LATS2: variants seen among roughly 807,000 people sequenced by gnomAD.
LATS2 encodes the protein serine/threonine-protein kinase LATS2.
In LATS2, 24 loss-of-function variants were observed where a neutral mutation model predicts 76.0. The observed-to-expected ratio is 0.32, with a 90% CI of 0.23 to 0.44. LATS2 has a LOEUF of 0.44. LATS2 is among the 20% of genes least tolerant of loss of function. The pLI, the probability that LATS2 is intolerant of heterozygous loss-of-function variation, is 1.00. For synonymous variants in LATS2, 692 were observed against 635.4 expected, an observed-to-expected ratio of 1.09 and a Z score of -1.34; for missense variants, 1,286 against 1,481.2, an observed-to-expected ratio of 0.87 and a Z score of 2.16.
At chr13:21,018,213 G>A (rs1871886242) in intron 2 of LATS2, 1 of 152,170 alleles carries the variant, frequency 6.6e-6, no homozygotes, top group Non-Finnish European at 1.5e-5. Context: ...AATTCACTTA[G>A]AAAGTAAACA....
intron 2 of LATS2, among the ~76,000 whole-genome samples, chr13:20,997,931 T>A (rs1870830983): frequency 6.6e-6 from 1 of 152,218 alleles, no homozygotes; most frequent in South Asian, 2.1e-4. Flanking sequence ...AGGAAGCATT[T>A]TTCAAGCCTT....
intron 2 of LATS2, among the ~76,000 whole-genome samples, chr13:20,999,105 G>A (rs1870912046): frequency 6.6e-6 from 1 of 152,266 alleles, no homozygotes; most frequent in Non-Finnish European, 1.5e-5. Context: ...AGCACGTGCC[G>A]TGTGCGAGCC....
intron 2 of LATS2, among the ~76,000 whole-genome samples, chr13:21,004,400 C>T (rs1483651160): frequency 6.7e-6 from 1 of 148,872 alleles, no homozygotes; most frequent in Non-Finnish European, 1.5e-5. Context: ...CGCCATTGCA[C>T]TCTAGCCTGG....
At chr13:21,030,901 TC>T (rs1365777119) in intron 2 of LATS2, among the ~76,000 whole-genome samples, 1 of 151,954 alleles carries the variant, frequency 6.6e-6, no homozygotes, top group African/African-American at 2.4e-5. Flanking sequence ...TTAATACAGG[TC>T]CCCTGGTAAC....
intron 2 of LATS2, among the ~76,000 whole-genome samples, chr13:21,024,506 G>A (rs1872226037): frequency 6.6e-6 from 1 of 151,952 alleles, no homozygotes; most frequent in South Asian, 2.1e-4. Flanking sequence ...TTTCAGTGGG[G>A]TTCAGTGGCG....
At chr13:20,978,072 T>C (rs12584862) in intron 7 of LATS2, among the ~76,000 whole-genome samples, 18,172 of 151,906 alleles carry the variant, frequency 0.12, 2,021 homozygotes, top group East Asian at 0.51. Flanking sequence ...CCCGCCCCCA[T>C]GCCAGGCTAA....
At chr13:21,047,930 G>A (rs1011944302) in intron 1 of LATS2, among the ~76,000 whole-genome samples, 20 of 152,162 alleles carry the variant, frequency 1.3e-4, no homozygotes, top group African/African-American at 4.6e-4. Flanking sequence ...GAAGATAAGA[G>A]AGAGACTAAA....
At chr13:21,018,389 G>GC (rs34758723) in intron 2 of LATS2, among the ~76,000 whole-genome samples, 62,994 of 151,988 alleles carry the variant, frequency 0.41, 14,874 homozygotes, top group African/African-American at 0.63. Context: ...AGGAGACAAG[G>GC]GTTGACATGG....
intron 7 of LATS2, among the ~76,000 whole-genome samples, chr13:20,976,369 A>G (rs1249693744): frequency 6.6e-6 from 1 of 152,166 alleles, no homozygotes; most frequent in Non-Finnish European, 1.5e-5. Context: ...ATAGGGTGAA[A>G]TCTTCATGAA....
chr13:21,020,918 CTT>C (rs1437104735), intron 2 of LATS2, among the ~76,000 whole-genome samples: 1 of 152,230 alleles, frequency 6.6e-6, no homozygotes, highest in African/African-American at 2.4e-5. Flanking sequence ...TTAGCCTTCT[CTT>C]CTCTCCAAAT....
intron 2 of LATS2, among the ~76,000 whole-genome samples, chr13:21,010,154 C>T (rs973371348): frequency 3.9e-5 from 6 of 151,968 alleles, no homozygotes; most frequent in African/African-American, 1.5e-4. Flanking sequence ...GAGCCAAGAT[C>T]GCACCACTGC....
rs764960515 is a variant in LATS2, at chr13:20,988,248, C to G, written c.1532G>C (p.Arg511Pro). The G allele has an allele frequency of 1.0e-5, 16 of 1,600,314 alleles. No individual in the cohort carries two copies. Among genetic ancestry groups the G allele is most frequent in the South Asian group, 8.8e-5 (8 of 90,810 alleles). The part of the protein sequence containing the change: ...PLDVEYGGPD[R>P]RCPPPPYPKH... ...CGGGTAGGGCGGAGGCGGGCACCTCCGGTCTGGGCCTCCGTACTCCACGTC... is the reference window on the plus strand; with the variant it reads ...CGGGTAGGGCGGAGGCGGGCACCTCGGGTCTGGGCCTCCGTACTCCACGTC... The change falls in exon 4 of 8, where the codon CGG (arginine) becomes CCG (proline). Residue 511 changes from arginine to proline, a missense_variant. By Grantham distance (103) the Arg-to-Pro change is moderately radical (BLOSUM62 -2). Coordinates refer to ENST00000382592, the MANE Select transcript of LATS2 (RefSeq NM_014572.3).
chr13:20,987,745 G>A, intron 4 of LATS2, 136 bp downstream of exon 4: 2 of 1,002,748 alleles, frequency 2.0e-6, no homozygotes, highest in Middle Eastern at 3.1e-4. Flanking sequence ...GTTGGCCCCA[G>A]AACCAGACTG....
chr13:21,035,143 T>A (rs114133665), intron 2 of LATS2, among the ~76,000 whole-genome samples: 1,766 of 152,102 alleles, frequency 0.012, 30 homozygotes, highest in African/African-American at 0.041. Flanking sequence ...TAAAACCTAA[T>A]ATATAAAAAA....
intron 2 of LATS2, among the ~76,000 whole-genome samples, chr13:21,039,899 T>A (rs367799502): frequency 6.6e-6 from 1 of 152,050 alleles, no homozygotes; most frequent in East Asian, 1.9e-4. Context: ...CATAGTGAAA[T>A]CCCATCTCTA....
chr13:21,008,992 G>A (rs1236807171), intron 2 of LATS2, among the ~76,000 whole-genome samples: 2 of 152,154 alleles, frequency 1.3e-5, no homozygotes, highest in Non-Finnish European at 2.9e-5. Flanking sequence ...GCAAAATCAC[G>A]TTGTATAGTG....
At chr13:21,034,654 G>A (rs1035883795) in intron 2 of LATS2, among the ~76,000 whole-genome samples, 2 of 152,118 alleles carry the variant, frequency 1.3e-5, no homozygotes, top group African/African-American at 4.8e-5. Flanking sequence ...GCCTCTGGGG[G>A]TTAGGCCTCT....
At chr13:21,009,752 G>T (rs1871508773) in intron 2 of LATS2, among the ~76,000 whole-genome samples, 1 of 152,214 alleles carries the variant, frequency 6.6e-6, no homozygotes, top group Admixed American at 6.5e-5. Flanking sequence ...CCAAGTACAT[G>T]CTGTGAGCCC....
At chr13:21,059,086 T>TG (rs1436101909) in intron 1 of LATS2, among the ~76,000 whole-genome samples, 1 of 152,238 alleles carries the variant, frequency 6.6e-6, no homozygotes, top group East Asian at 1.9e-4. Context: ...GCAAAACACT[T>TG]GTGCAAGATC....
Sources: gnomAD v4.1 joint callset for allele counts (sites outside exome capture counted in the v4.1 genomes callset) on GRCh38, gnomAD v4.1.1 for gene constraint, MANE v1.5 for transcripts, NCBI Gene and HGNC (gene_info 2026-07-23, HGNC 2026-07-21) for gene names.